LANCL1: variants seen among roughly 807,000 people sequenced by gnomAD.
LANCL1 encodes LanC like glutathione S-transferase 1.
Under a neutral mutation model 50.6 loss-of-function variants are expected in LANCL1, and 50 were observed. The ratio of observed to expected loss-of-function variants is 0.99; its 90% CI spans 0.79 to 1.25. The LOEUF is 1.25. LANCL1 is among the 50% of genes most tolerant of loss of function. LANCL1 has a pLI of 0.00. For synonymous variants in LANCL1, 188 were observed against 178.6 expected (o/e 1.05, Z -0.42); for missense variants, 532 against 480.7 (o/e 1.11, Z -1.00).
chr2:210,447,563 T>C (rs573371442), intron 4 of LANCL1, among the ~76,000 whole-genome samples: 2 of 152,034 alleles, frequency 1.3e-5, no homozygotes, highest in South Asian at 2.1e-4. Context: ...GACTGGCAAA[T>C]TGGAGGAAGA....
chr2:210,436,093 G>A, intron 8 of LANCL1, 123 bp downstream of exon 8: 2 of 754,524 alleles, frequency 2.7e-6, no homozygotes, highest in Non-Finnish European at 4.2e-6. Flanking sequence ...AGTAGACCAT[G>A]TTAGCCAGGC....
intron 4 of LANCL1, among the ~76,000 whole-genome samples, chr2:210,443,728 C>T (rs928095156): frequency 6.6e-6 from 1 of 152,182 alleles, no homozygotes; most frequent in Non-Finnish European, 1.5e-5. Context: ...GTCCCTCCAA[C>T]CCCCGCCCCA....
chr2:210,464,860 G>C (rs923019226), intron 3 of LANCL1, among the ~76,000 whole-genome samples: 1 of 150,512 alleles, frequency 6.6e-6, no homozygotes, highest in Non-Finnish European at 1.5e-5. Flanking sequence ...CAGCTACTCG[G>C]GAGGCTGAGG....
chr2:210,445,040 G>A (rs1449973036), intron 4 of LANCL1, among the ~76,000 whole-genome samples: 3 of 151,936 alleles, frequency 2.0e-5, no homozygotes, highest in Non-Finnish European at 4.4e-5. Context: ...AGTAAACAAT[G>A]AATATCTCAA....
chr2:210,437,477 T>C (rs1354672077), intron 7 of LANCL1, among the ~76,000 whole-genome samples: 3 of 152,164 alleles, frequency 2.0e-5, no homozygotes, highest in East Asian at 1.9e-4. Context: ...CAATATCTCA[T>C]TGCAACCTAA....
At chr2:210,445,179 A>G (rs2105896573) in intron 4 of LANCL1, among the ~76,000 whole-genome samples, 1 of 152,206 alleles carries the variant, frequency 6.6e-6, no homozygotes, top group Non-Finnish European at 1.5e-5. Flanking sequence ...TTTTTTTTAA[A>G]CACATACTGT....
chr2:210,477,501 A>G (rs1372761732), upstream of LANCL1: 1 of 1,276,620 alleles, frequency 7.8e-7, no homozygotes, highest in African/African-American at 1.5e-5. Context: ...GAGTTCAGTT[A>G]AAAAGTCAGC....
intron 3 of LANCL1, chr2:210,468,303 G>A (rs1322503511): frequency 7.9e-5 from 12 of 152,002 alleles, no homozygotes. Flanking sequence ...ATAGACACTG[G>A]TAAATTTATC....
chr2:210,463,314 G>A (rs1377812900), intron 3 of LANCL1, among the ~76,000 whole-genome samples: 2 of 151,962 alleles, frequency 1.3e-5, no homozygotes, highest in South Asian at 2.1e-4. Flanking sequence ...GGATTCAAGC[G>A]ATTCTCCTGC....
intron 4 of LANCL1, among the ~76,000 whole-genome samples, chr2:210,446,229 C>A (rs533338382): frequency 0.015 from 2 of 132 alleles, no homozygotes; most frequent in Non-Finnish European, 0.048. Flanking sequence ...TGGCATCTGG[C>A]GGGTGCCCTC....
intron 3 of LANCL1, among the ~76,000 whole-genome samples, chr2:210,463,037 A>C (rs1265126532): frequency 6.6e-6 from 1 of 152,182 alleles, no homozygotes; most frequent in Non-Finnish European, 1.5e-5. Flanking sequence ...AAACACACAT[A>C]TACACACATG....
At chr2:210,441,503 T>A in intron 4 of LANCL1, 60 bp from the exon 5 acceptor site, 1 of 1,429,508 alleles carries the variant, frequency 7.0e-7, no homozygotes, top group Non-Finnish European at 9.5e-7. Flanking sequence ...GGTGTATACT[T>A]AAAAATGGTA....
Position 210,433,799 on chromosome 2 carries a change from GATC to G in LANCL1, c.*685_*687del, listed in dbSNP as rs899491580. The G allele has an allele frequency of 1.1e-4, 17 of 152,248 alleles. No individual in the cohort carries two copies. Among genetic ancestry groups the G allele is most frequent in the Admixed American group, 1.1e-3 (17 of 15,296 alleles). The allele number at this position is 152,248 out of a possible 1,614,324, so 9.4% of individuals were successfully genotyped here. A position where few individuals can be genotyped will look rare whatever the true frequency, so the allele number is the denominator to read the frequency against. ...ACCTTCAACTCAGAATTTTCACAATGATCATCATGTTTTATAAGTTTTTGATTA... is the reference window on the plus strand; with the variant it reads ...ACCTTCAACTCAGAATTTTCACAATGATCATGTTTTATAAGTTTTTGATTA... On this transcript the variant is annotated 3_prime_UTR_variant, in exon 10 of 10. Transcript: ENST00000450366.
At chr2:210,470,365 A>C (rs1314447636) in intron 3 of LANCL1, among the ~76,000 whole-genome samples, 1 of 152,114 alleles carries the variant, frequency 6.6e-6, no homozygotes, top group Non-Finnish European at 1.5e-5. Flanking sequence ...CAAAACATTG[A>C]CTTTAAAAGT....
chr2:210,441,274 T>C (rs777170389), intron 5 of LANCL1, 34 bp downstream of exon 5: 2 of 1,600,666 alleles, frequency 1.2e-6, no homozygotes, highest in Non-Finnish European at 1.7e-6. Flanking sequence ...AATGGGATCC[T>C]AAAAAGGCTC....
chr2:210,469,969 A>ATTTT (rs3832125), intron 3 of LANCL1, among the ~76,000 whole-genome samples: 1 of 148,224 alleles, frequency 6.7e-6, no homozygotes, highest in Non-Finnish European at 1.5e-5. Flanking sequence ...TTAACTAGTG[A>ATTTT]TTTTTTTTTT....
intron 3 of LANCL1, among the ~76,000 whole-genome samples, chr2:210,456,760 TA>T (rs1396596558): frequency 6.6e-6 from 1 of 152,176 alleles, no homozygotes; most frequent in African/African-American, 2.4e-5. Context: ...TTAAGTTATG[TA>T]AGCACCAAAG....
At position 210,460,274 on chromosome 2, in the gene LANCL1, T is replaced by C. The variant is rs143500437; in HGVS notation, c.200-4960A>G. On this transcript the variant is annotated intron_variant, in intron 3 of 9. Transcript: ENST00000450366. ...ATTTAAAGACTCCCTTCATGTACTC[T>C]GGTAGGGAAAATCATGTTCAGATTT... 1.1e-4 allele frequency among the ~76,000 whole-genome samples: 17 copies of C among 152,294 alleles called. No individual in the cohort carries two copies. In the East Asian group the frequency reaches 3.1e-3, roughly 28 times the overall value.
chr2:210,475,453 TC>T (rs1694329741), intron 2 of LANCL1, among the ~76,000 whole-genome samples: 1 of 152,098 alleles, frequency 6.6e-6, no homozygotes, highest in East Asian at 1.9e-4. Context: ...CGCCTCAGCC[TC>T]CCAAGTAGCT....
Sources: gnomAD v4.1 joint callset for allele counts (sites outside exome capture counted in the v4.1 genomes callset) on GRCh38, gnomAD v4.1.1 for gene constraint, MANE v1.5 for transcripts, NCBI Gene and HGNC (gene_info 2026-07-23, HGNC 2026-07-21) for gene names.